Variants in PHC2 observed in about 807,000 individuals in gnomAD.
The protein encoded by PHC2 is polyhomeotic homolog 2.
A neutral mutation model predicts 87.4 loss-of-function variants in PHC2; 29 were observed. The observed-to-expected ratio is 0.33, with a 90% CI of 0.25 to 0.45. The LOEUF is 0.45. Ranked by LOEUF, PHC2 falls within the 20% of genes least tolerant of loss-of-function variation. The probability of loss-of-function intolerance (pLI) is 1.00; values close to 1 mark genes in which losing one functional copy is unlikely to be tolerated. For missense variants in PHC2, 857 were observed against 1,136.7 expected, an observed-to-expected ratio of 0.75 and a Z score of 3.54; for synonymous variants, 438 against 461.7, an observed-to-expected ratio of 0.95 and a Z score of 0.66.
In PHC2 at chr1:33,378,328, T is replaced by C. The variant is rs931291147; in HGVS notation, c.-54-2735A>G. Among the ~76,000 whole-genome samples the C allele has an allele frequency of 2.6e-5, 4 of 152,180 alleles. No homozygotes were observed. In the South Asian group the frequency reaches 6.2e-4, roughly 24 times the overall value. On this transcript the variant is annotated intron_variant, in intron 1 of 14. Coordinates refer to ENST00000683057, the MANE Select transcript of PHC2 (RefSeq NM_001385109.1). ...AACTAATTGTAAAGGTGAGGTGCAA[T>C]TGAAATTATAAGGATCATCAAGCAA...
At position 33,324,870 on chromosome 1, in the gene PHC2, A is replaced by G; in HGVS notation, c.2575T>C (p.Ser859Pro). 6.2e-7 allele frequency: 1 copy of G among 1,612,128 alleles called. No homozygotes were observed. ...IYARISMLKDS is the reference protein window; with the variant it reads ...IYARISMLKDP The stretch of plus-strand genomic sequence containing the variant: ...AATCCTGGCTGCCACCAGCCCTAGG[A>G]GTCCTTGAGCATGCTGATGCGGGCG... The change falls in exon 15 of 15, where the codon TCC (serine) becomes CCC (proline). Residue 859 changes from serine (S) to proline (P), a missense_variant. Ser to Pro is a moderately conservative substitution (Grantham distance 74, BLOSUM62 -1). Around this residue, in one of 3 missense-constraint regions of PHC2, gnomAD observed 22 missense variants for 36.0 expected, o/e 0.61. Coordinates refer to ENST00000683057, the MANE Select transcript of PHC2 (RefSeq NM_001385109.1).
At chr1:33,362,117 A>C (rs555262659) in intron 7 of PHC2, among the ~76,000 whole-genome samples, 68 of 152,254 alleles carry the variant, frequency 4.5e-4, no homozygotes, top group African/African-American at 1.6e-3. Flanking sequence ...AAATTGCTTA[A>C]CCTCTCTGGA....
chr1:33,346,213 T>C (rs1646841972), intron 9 of PHC2: 6 of 942,914 alleles, frequency 6.4e-6, no homozygotes, highest in Admixed American at 8.1e-5. Flanking sequence ...TGCTTTCCCA[T>C]AGGGCTGGGG....
At chr1:33,371,184 G>T (rs1647809853) in intron 3 of PHC2, 90 bp from the exon 4 acceptor site, 1 of 1,119,252 alleles carries the variant, frequency 8.9e-7, no homozygotes. Flanking sequence ...GCTGCAGGCT[G>T]GTGTTAAGGA....
At chr1:33,371,756 A>G (rs1223795818) in intron 3 of PHC2, among the ~76,000 whole-genome samples, 2 of 152,192 alleles carry the variant, frequency 1.3e-5, no homozygotes, top group African/African-American at 2.4e-5. Flanking sequence ...TTAGAGATTT[A>G]AATATTTTGT....
chr1:33,332,361 T>C lies in PHC2; in HGVS notation c.1805A>G (p.Tyr602Cys). 2.5e-6 allele frequency: 4 copies of C among 1,614,152 alleles called. No individual in the cohort carries two copies. In the South Asian group the frequency reaches 4.4e-5, roughly 18 times the overall value. The stretch of plus-strand genomic sequence containing the variant: ...TTTCTCAGGCAGGAACCCCTGTGCA[T>C]ACTTCTTCTTGAGATTCCCCACCAG... ...SLLVGNLKKK[Y>C]AQGFLPEKLP... Residue 602 changes from tyrosine to cysteine, a missense_variant, in exon 11 of 15, where the codon TAT becomes TGT. Around this residue, in one of 3 missense-constraint regions of PHC2, gnomAD observed 832 missense variants for 1,081.8 expected, o/e 0.77. Transcript: ENST00000683057. The surrounding 1 kb of genome is among the most constrained non-coding windows in gnomAD (Gnocchi z 4.2).
chr1:33,376,314 C>T (rs1292135771), intron 1 of PHC2, among the ~76,000 whole-genome samples: 1 of 152,180 alleles, frequency 6.6e-6, no homozygotes, highest in Non-Finnish European at 1.5e-5. Context: ...GGATTATAGG[C>T]ATGAGCCGCC....
At chr1:33,329,954 A>G in intron 13 of PHC2, 117 bp downstream of exon 13, 3 of 1,123,340 alleles carry the variant, frequency 2.7e-6, no homozygotes, top group African/African-American at 3.0e-5. Flanking sequence ...ACAAGGAATG[A>G]GAGCACAGCA....
intron 10 of PHC2, chr1:33,333,677 T>G (rs1344351967): frequency 4.8e-6 from 1 of 210,206 alleles, no homozygotes; most frequent in African/African-American, 2.4e-5. Flanking sequence ...AATTCTGTTC[T>G]GTGCAATTCC....
chr1:33,358,902 G>T (rs755072491), intron 7 of PHC2: 1 of 152,092 alleles, frequency 6.6e-6, no homozygotes, highest in African/African-American at 2.4e-5. Context: ...CAATCAGGCC[G>T]CTTTGCTTTG....
In PHC2 at chr1:33,401,574, G is replaced by A. The variant is rs148309414; in HGVS notation, c.-54-25981C>T. 7.9e-3 allele frequency among the ~76,000 whole-genome samples: 1,198 copies of A among 152,232 alleles called. 18 individuals carry two copies. The highest frequency in any genetic ancestry group is 0.011 in the Non-Finnish European group (718 of 68,020). On this transcript the variant is annotated intron_variant, in intron 1 of 14. Transcript: ENST00000683057. ...TTGGAAGCTTGAAACTGGTCATTGC[G>A]GGAGTATTTATACCATGGAAATCAG...
chr1:33,330,044 G>C, intron 13 of PHC2, 27 bp downstream of exon 13: 2 of 1,610,184 alleles, frequency 1.2e-6, no homozygotes, highest in Admixed American at 1.7e-5. Flanking sequence ...TGTGGGGATG[G>C]AGCTTCAGGC....
chr1:33,413,977 G>A (rs767656725), intron 1 of PHC2, among the ~76,000 whole-genome samples: 1 of 152,148 alleles, frequency 6.6e-6, no homozygotes, highest in African/African-American at 2.4e-5. Flanking sequence ...GGCATTGTGA[G>A]AAACAGCATG....
intron 9 of PHC2, among the ~76,000 whole-genome samples, chr1:33,352,444 G>A (rs1406838917): frequency 6.6e-6 from 1 of 152,100 alleles, no homozygotes; most frequent in Non-Finnish European, 1.5e-5. Context: ...TACCTCAGAG[G>A]GTTATTGTCA....
chr1:33,410,317 C>G (rs939533101), intron 1 of PHC2, among the ~76,000 whole-genome samples: 2 of 152,194 alleles, frequency 1.3e-5, no homozygotes, highest in Non-Finnish European at 2.9e-5. Context: ...GAATGACTCT[C>G]TCAGGGAGCA....
rs576878891 is a variant in PHC2, at chr1:33,349,097, G to T, written c.1558+5304C>A. ...GAGAGAAAACGCTCTTCTAAAAATG[G>T]AAGAAAAGACACAGAACAGCTTGTC... On this transcript the variant is annotated intron_variant, in intron 9 of 14. Transcript: ENST00000683057. The surrounding 1 kb of genome is among the most constrained non-coding windows in gnomAD (Gnocchi z 4.2). 2.2e-5 allele frequency: 22 copies of T among 985,336 alleles called. No individual in the cohort carries two copies. The South Asian group carries it at 1.0e-3, about 46-fold the overall frequency. The allele number at this position is 985,336 out of a possible 1,614,324, so 61.0% of individuals were successfully genotyped here.
intron 14 of PHC2, among the ~76,000 whole-genome samples, chr1:33,327,267 T>G (rs531032623): frequency 6.6e-6 from 1 of 152,318 alleles, no homozygotes; most frequent in Middle Eastern, 3.4e-3. Context: ...AGGGAGCAGA[T>G]AGCCTCTCTC....
At chr1:33,419,240 T>C (rs1469114085) in intron 1 of PHC2, among the ~76,000 whole-genome samples, 3 of 152,230 alleles carry the variant, frequency 2.0e-5, no homozygotes, top group Non-Finnish European at 4.4e-5. Flanking sequence ...CATAATATTT[T>C]CTCTCAAAAT....
chr1:33,392,026 G>A (rs1372788395), intron 1 of PHC2, among the ~76,000 whole-genome samples: 1 of 152,188 alleles, frequency 6.6e-6, no homozygotes, highest in Non-Finnish European at 1.5e-5. Flanking sequence ...GGAAAGGAAA[G>A]TGCTAACGGT....
Sources: allele counts gnomAD v4.1 joint callset (sites outside exome capture counted in the v4.1 genomes callset), GRCh38; gene constraint gnomAD v4.1.1; regional missense constraint gnomAD v4.1.1; non-coding constraint Gnocchi (gnomAD v3.1); transcripts MANE v1.5; gene names NCBI Gene and HGNC (gene_info 2026-07-23, HGNC 2026-07-21).